COL4A3: variants seen among roughly 807,000 people sequenced by gnomAD.
The protein encoded by COL4A3 is collagen alpha-3(IV) chain.
COL4A3 carries 135 observed loss-of-function variants against 217.4 expected under a neutral mutation model. That is an observed-to-expected ratio of 0.62 (90% CI 0.54 to 0.72). COL4A3 has a LOEUF of 0.72. COL4A3 is among the 30% of genes least tolerant of loss of function. COL4A3 has a pLI of 0.00. For missense variants in COL4A3, 1,868 were observed against 2,119.9 expected (o/e 0.88, Z 2.33); for synonymous variants, 690 against 736.3 (o/e 0.94, Z 1.02).
At position 227,273,627 on chromosome 2, in the gene COL4A3, G is replaced by A. The variant is rs1260486546; in HGVS notation, c.1927+510G>A. On this transcript the variant is annotated intron_variant, in intron 26 of 51. Transcript: ENST00000396578. ...AGGATGTTGCTGTGTTGTCCAGGCT[G>A]GTCTCCTACTCCCAACCCCAAACAA... Among the ~76,000 whole-genome samples the A allele has an allele frequency of 8.6e-5, 13 of 152,032 alleles. 2 individuals are homozygous for A. In the East Asian group the frequency reaches 2.5e-3, roughly 29 times the overall value.
At chr2:227,279,441 T>C (rs141967815) in intron 28 of COL4A3, 627 of 203,922 alleles carry the variant, frequency 3.1e-3, no homozygotes, top group African/African-American at 0.014. Flanking sequence ...TTAATCTAGG[T>C]CATGCTTACA....
intron 42 of COL4A3, 77 bp from the exon 43 acceptor site, chr2:227,298,604 CA>C: frequency 6.3e-7 from 1 of 1,584,208 alleles, no homozygotes; most frequent in Non-Finnish European, 8.6e-7. Flanking sequence ...GTTTATACTT[CA>C]TTAGAAACAA....
intron 3 of COL4A3, among the ~76,000 whole-genome samples, chr2:227,242,052 A>T (rs554756631): frequency 6.6e-6 from 1 of 152,154 alleles, no homozygotes; most frequent in South Asian, 2.1e-4. Context: ...GTACCCCTCA[A>T]TTCAGTTATG....
chr2:227,292,988 G>A (rs1046256566), intron 37 of COL4A3, among the ~76,000 whole-genome samples: 1 of 152,134 alleles, frequency 6.6e-6, no homozygotes, highest in Non-Finnish European at 1.5e-5. Context: ...AAAGTTTTAA[G>A]GGAAACTGCA....
intron 39 of COL4A3, among the ~76,000 whole-genome samples, 156 bp from the exon 40 acceptor site, chr2:227,294,808 G>A (rs2072950333): frequency 1.3e-5 from 2 of 152,034 alleles, no homozygotes; most frequent in African/African-American, 4.8e-5. Flanking sequence ...GTTTTCCCTG[G>A]GAACATAGCT....
At chr2:227,272,749 TGTTGCTAAACTCCAAAGGACACAAAAC>T (rs2071318184) in intron 25 of COL4A3, among the ~76,000 whole-genome samples, 173 bp from the exon 26 acceptor site, 1 of 152,172 alleles carries the variant, frequency 6.6e-6, no homozygotes, top group African/African-American at 2.4e-5. Context: ...GTTCAAAAAA[TGTTGCTAAACTCCAAAGGACACAAAAC>T]GGAAGAAACC....
chr2:227,229,445 A>ATAACAGCAGTCTCTCACCC (rs2068270787), intron 1 of COL4A3, among the ~76,000 whole-genome samples: 1 of 152,242 alleles, frequency 6.6e-6, no homozygotes, highest in Non-Finnish European at 1.5e-5. Flanking sequence ...TTAGAGATAG[A>ATAACAGCAGTCTCTCACCC]TAACAGCAGT....
chr2:227,245,775 C>T (rs1354166022), intron 5 of COL4A3, 179 bp from the exon 6 acceptor site: 4 of 671,796 alleles, frequency 6.0e-6, no homozygotes, highest in South Asian at 4.8e-5. Context: ...TCATATCAGT[C>T]AGCCTGTTTA....
intron 1 of COL4A3, among the ~76,000 whole-genome samples, chr2:227,180,104 T>C (rs895138012): frequency 2.6e-5 from 4 of 152,224 alleles, no homozygotes; most frequent in Admixed American, 2.6e-4. Flanking sequence ...TTCTACTTTA[T>C]GCCCCAGATC....
chr2:227,232,220 C>T (rs78474177), intron 1 of COL4A3, among the ~76,000 whole-genome samples: 2,077 of 152,274 alleles, frequency 0.014, 48 homozygotes, highest in African/African-American at 0.047. Flanking sequence ...TTGATGGACA[C>T]GTAGATTGCT....
At chr2:227,261,596 G>A (rs935731359) in intron 20 of COL4A3, among the ~76,000 whole-genome samples, 2 of 152,198 alleles carry the variant, frequency 1.3e-5, no homozygotes, top group African/African-American at 2.4e-5. Flanking sequence ...AGAAGGAGTG[G>A]AGCTGATACA....
At chr2:227,309,435 G>A (rs941804589) in intron 50 of COL4A3, 117 bp downstream of exon 50, 8 of 771,208 alleles carry the variant, frequency 1.0e-5, no homozygotes. Context: ...TGTGCAACAT[G>A]CCATAGACAT....
intron 34 of COL4A3, 136 bp downstream of exon 34, chr2:227,284,481 T>C (rs2072198477): frequency 7.1e-6 from 7 of 990,362 alleles, no homozygotes; most frequent in South Asian, 1.4e-5. Context: ...ACACAGCCGG[T>C]TGGTGGCTGA....
chr2:227,188,029 C>G (rs2066094049), intron 1 of COL4A3, among the ~76,000 whole-genome samples: 1 of 151,940 alleles, frequency 6.6e-6, no homozygotes, highest in African/African-American at 2.4e-5. Context: ...AAACAGCAGC[C>G]CCCACTGTTT....
chr2:227,300,048 TG>T (rs1190955986), intron 43 of COL4A3, among the ~76,000 whole-genome samples: 1 of 152,230 alleles, frequency 6.6e-6, no homozygotes, highest in East Asian at 1.9e-4. Context: ...GATAAATACT[TG>T]GTTCTTTCAA....
chr2:227,211,306 G>A (rs1306989268), intron 1 of COL4A3, among the ~76,000 whole-genome samples: 1 of 152,076 alleles, frequency 6.6e-6, no homozygotes, highest in African/African-American at 2.4e-5. Flanking sequence ...GCCCCATAAA[G>A]CTGTAGTTTA....
chr2:227,301,540 T>C (rs372495327), intron 43 of COL4A3, among the ~76,000 whole-genome samples: 7 of 152,216 alleles, frequency 4.6e-5, no homozygotes, highest in Non-Finnish European at 8.8e-5. Flanking sequence ...ATGTTCTCCA[T>C]GATTCTTTGA....
Position 227,270,797 on chromosome 2 carries a change from G to A in COL4A3, c.1603G>A (p.Gly535Arg). The A allele has an allele frequency of 6.2e-7, 1 of 1,614,166 alleles. No individual in the cohort carries two copies. The highest frequency in any genetic ancestry group is 8.5e-7 in the Non-Finnish European group (1 of 1,180,020). The change falls in exon 25 of 52, where the codon GGA becomes AGA. Residue 535 changes from glycine (G) to arginine (R), a missense_variant. Physicochemically the swap from Gly to Arg is moderately radical, Grantham distance 125. Transcript: ENST00000396578. ...TTTCCCAGGTGCCCAGGGTGACCCA[G>A]GACTTAAAGGAGAAAAAGGTGAAAC... ...PGFPGAQGDP[G>R]LKGEKGETLQ...
chr2:227,202,331 C>T (rs2066718777), intron 1 of COL4A3, among the ~76,000 whole-genome samples: 1 of 152,118 alleles, frequency 6.6e-6, no homozygotes, highest in Non-Finnish European at 1.5e-5. Context: ...ACAAATGTTA[C>T]CATTTCCAAC....
Sources: gnomAD v4.1 joint callset for allele counts (sites outside exome capture counted in the v4.1 genomes callset) on GRCh38, gnomAD v4.1.1 for gene constraint, MANE v1.5 for transcripts, NCBI Gene and HGNC (gene_info 2026-07-23, HGNC 2026-07-21) for gene names.